Variants in ZDHHC16 observed in about 807,000 individuals in gnomAD.
The protein encoded by ZDHHC16 is zDHHC palmitoyltransferase 16, also known as palmitoyltransferase ZDHHC16.
ZDHHC16 carries 33 observed loss-of-function variants against 54.4 expected under a neutral mutation model. The ratio of observed to expected loss-of-function variants is 0.61; its 90% CI spans 0.46 to 0.81. The LOEUF is 0.81. Ranked by LOEUF, ZDHHC16 falls within the 30% of genes least tolerant of loss-of-function variation. The pLI is 0.00. For synonymous variants in ZDHHC16, 185 were observed against 182.1 expected (o/e 1.02, Z -0.13); for missense variants, 420 against 485.9 (o/e 0.86, Z 1.28).
intron 2 of ZDHHC16, chr10:97,451,017 A>G (rs973030723): frequency 6.6e-6 from 1 of 152,274 alleles, no homozygotes; most frequent in Non-Finnish European, 1.5e-5. Flanking sequence ...GGAGACAGGG[A>G]ATCTCCTGCT....
chr10:97,447,697 A>G (rs1166781004), intron 1 of ZDHHC16, among the ~76,000 whole-genome samples: 2 of 152,152 alleles, frequency 1.3e-5, no homozygotes, highest in Admixed American at 6.5e-5. Context: ...TGAGGCAAGC[A>G]CATCACCTGA....
At chr10:97,449,904 G>T (rs1197519842) in intron 1 of ZDHHC16, among the ~76,000 whole-genome samples, 3 of 105,564 alleles carry the variant, frequency 2.8e-5, no homozygotes, top group Non-Finnish European at 5.1e-5. Flanking sequence ...TCGCTCTGTC[G>T]CCCAGGCCGG....
At chr10:97,454,888 G>A (rs1316568635) in intron 9 of ZDHHC16, 89 bp downstream of exon 9, 2 of 1,108,670 alleles carry the variant, frequency 1.8e-6, no homozygotes, top group East Asian at 4.7e-5. Context: ...CCATTCCTAA[G>A]TGAACTGCCA....
At chr10:97,453,699 A>C (rs1846876042) in intron 7 of ZDHHC16, 36 bp downstream of exon 7, 2 of 1,614,156 alleles carry the variant, frequency 1.2e-6, no homozygotes, top group East Asian at 4.5e-5. Flanking sequence ...TCAGTAGTGC[A>C]GAACTTCGGG....
At position 97,446,188 on chromosome 10, in the gene ZDHHC16, G is replaced by T. The variant is rs1845995114; in HGVS notation, c.-351G>T. The stretch of plus-strand genomic sequence containing the variant: ...GCGCCTGCGCGTGTGGTTGAGGATG[G>T]GCTGGCGGCGGGTCCGGGTCCGCTG... On this transcript the variant is annotated 5_prime_UTR_variant, in exon 1 of 12. Transcript: ENST00000393760. The T allele has an allele frequency of 2.7e-6, 2 of 735,470 alleles. No homozygotes were observed. The highest frequency in any genetic ancestry group is 2.7e-5 in the East Asian group (1 of 36,688). 45.6% of individuals were successfully genotyped at this position (735,470 alleles called of 1,614,324 possible).
At position 97,451,741 on chromosome 10, in the gene ZDHHC16, G is replaced by A. The variant is rs769685783; in HGVS notation, c.66G>A (p.Leu22=). ...ARLCLRLLLL[L]GYRRRCPPLL... The stretch of plus-strand genomic sequence containing the variant: ...TCTGCCTCCGCCTCCTTCTGCTGCT[G>A]GGTTACAGGCGCCGCTGTCCACCTC... Residue 22 remains leucine, a synonymous_variant, in exon 3 of 12, where the codon CTG becomes CTA. Coordinates refer to ENST00000393760, the MANE Select transcript of ZDHHC16 (RefSeq NM_198046.3). 1 of 1,613,816 alleles carries A rather than the reference G, an allele frequency of 6.2e-7. No homozygotes were observed. The highest frequency in any genetic ancestry group is 8.5e-7 in the Non-Finnish European group (1 of 1,180,034).
At chr10:97,452,012 C>T (rs1156913626) in intron 3 of ZDHHC16, 78 bp from the exon 4 acceptor site, 2 of 1,600,288 alleles carry the variant, frequency 1.2e-6, no homozygotes, top group African/African-American at 2.7e-5. Flanking sequence ...AGGCCGGCCC[C>T]CACCCCCAGG....
intron 6 of ZDHHC16, 35 bp from the exon 7 acceptor site, chr10:97,453,495 T>C: frequency 7.5e-6 from 12 of 1,606,996 alleles, no homozygotes; most frequent in Non-Finnish European, 1.0e-5. Flanking sequence ...CCTGAAATTG[T>C]GTTTGATTCT....
intron 6 of ZDHHC16, 111 bp from the exon 7 acceptor site, chr10:97,453,419 C>T (rs985127661): frequency 8.3e-6 from 12 of 1,443,892 alleles, no homozygotes; most frequent in South Asian, 1.3e-5. Context: ...TTCTTAGTGA[C>T]TGGAAGCCTG....
chr10:97,452,175 A>C lies in ZDHHC16; in HGVS notation c.329A>C (p.Tyr110Ser). ...LCVLPLILRT[Y>S]SVPRLCWHFF... ...GTCCTGCCTCTCATCCTCCGAACCTACTCAGTGCCACGACTCTGCTGGCAT... is the reference window on the plus strand; with the variant it reads ...GTCCTGCCTCTCATCCTCCGAACCTCCTCAGTGCCACGACTCTGCTGGCAT... The change falls in exon 4 of 12, where the codon TAC becomes TCC. Residue 110 changes from tyrosine (Y) to serine (S), a missense_variant. Transcript: ENST00000393760. 1 of 1,613,788 alleles carries C rather than the reference A, an allele frequency of 6.2e-7. No individual in the cohort carries two copies. The highest frequency in any genetic ancestry group is 8.5e-7 in the Non-Finnish European group (1 of 1,179,954).
At chr10:97,456,647 G>C in intron 11 of ZDHHC16, 130 bp from the exon 12 acceptor site, 5 of 643,582 alleles carry the variant, frequency 7.8e-6, no homozygotes, top group Non-Finnish European at 1.3e-5. Flanking sequence ...GCAGAAATTA[G>C]AACTTTTGTT....
Position 97,451,709 on chromosome 10 carries a change from G to A in ZDHHC16, c.34G>A (p.Ala12Thr), listed in dbSNP as rs765749681. 2 of 1,612,128 alleles carry A rather than the reference G, an allele frequency of 1.2e-6. No homozygotes were observed. The highest frequency in any genetic ancestry group is 2.7e-5 in the African/African-American group (2 of 74,894). Reference protein sequence around the residue: ...RGQRSLLLGPARLCLRLLLLL... With the variant: ...RGQRSLLLGPTRLCLRLLLLL... The stretch of plus-strand genomic sequence containing the variant: ...CCAGCGGAGCCTGCTGCTGGGCCCG[G>A]CCCGCCTCTGCCTCCGCCTCCTTCT... The change falls in exon 3 of 12, where the codon GCC (alanine) becomes ACC (threonine). Residue 12 changes from alanine to threonine, a missense_variant. Physicochemically the swap from Ala to Thr is moderately conservative, Grantham distance 58. Transcript: ENST00000393760.
chr10:97,446,229 G>T lies in ZDHHC16; in HGVS notation c.-310G>T. 1 of 609,928 alleles carries T rather than the reference G, an allele frequency of 1.6e-6. No individual in the cohort carries two copies. The highest frequency in any genetic ancestry group is 2.9e-6 in the Non-Finnish European group (1 of 346,570). The allele number at this position is 609,928 out of a possible 1,614,324, so 37.8% of individuals were successfully genotyped here. A position where few individuals can be genotyped will look rare whatever the true frequency, so the allele number is the denominator to read the frequency against. On this transcript the variant is annotated 5_prime_UTR_variant, in exon 1 of 12. Coordinates refer to ENST00000393760, the MANE Select transcript of ZDHHC16 (RefSeq NM_198046.3). The stretch of plus-strand genomic sequence containing the variant: ...GGGTCCGCTGCCTGGCGCTGCGGGC[G>T]GCGGGCCATGGTGGTTTGGATTGAG...
In ZDHHC16 at chr10:97,456,868, T is replaced by C. The variant is rs1351332980; in HGVS notation, c.1111T>C (p.Ser371Pro). 2 of 1,612,448 alleles carry C rather than the reference T, an allele frequency of 1.2e-6. No homozygotes were observed. The highest frequency in any genetic ancestry group is 1.7e-5 in the Admixed American group (1 of 59,924). The change falls in exon 12 of 12, where the codon TCA becomes CCA. Residue 371 changes from serine to proline, a missense_variant. Physicochemically the swap from Ser to Pro is moderately conservative, Grantham distance 74 (BLOSUM62 -1). Coordinates refer to ENST00000393760, the MANE Select transcript of ZDHHC16 (RefSeq NM_198046.3). ...WEPPPWVTAHSASVMAV is the reference protein window; with the variant it reads ...WEPPPWVTAHPASVMAV ...GCCCCCTCCCTGGGTGACTGCTCAC[T>C]CAGCCTCTGTGATGGCAGTGTGAGC...
At chr10:97,449,449 T>C (rs1342485853) in intron 1 of ZDHHC16, among the ~76,000 whole-genome samples, 8 of 152,160 alleles carry the variant, frequency 5.3e-5, no homozygotes, top group Admixed American at 5.2e-4. Flanking sequence ...TTACATTTGA[T>C]TGTGGGTGTC....
intron 3 of ZDHHC16, 46 bp from the exon 4 acceptor site, chr10:97,452,044 G>C (rs1427943806): frequency 6.2e-7 from 1 of 1,612,312 alleles, no homozygotes; most frequent in Non-Finnish European, 8.5e-7. Context: ...TCTCCTTTGG[G>C]CATAGCTCTT....
intron 1 of ZDHHC16, among the ~76,000 whole-genome samples, chr10:97,447,971 A>C (rs1341125099): frequency 6.6e-6 from 1 of 151,524 alleles, no homozygotes; most frequent in Non-Finnish European, 1.5e-5. Context: ...CGGCCCACTT[A>C]CTACATATGT....
rs764776463 is a variant in ZDHHC16, at chr10:97,452,477, A to C, written c.501A>C (p.Arg167=). The change falls in exon 5 of 12, where the codon CGA becomes CGC. Residue 167 remains arginine (R), a synonymous_variant. Coordinates refer to ENST00000393760, the MANE Select transcript of ZDHHC16 (RefSeq NM_198046.3). ...CKKCIYPKPA[R]THHCSICNRC... is the part of the protein sequence containing the mutation. ...AGTGCATTTACCCCAAGCCAGCCCG[A>C]ACACACCACTGCAGCATCTGCAACA... 3.1e-6 allele frequency: 5 copies of C among 1,614,214 alleles called. No homozygotes were observed. Among genetic ancestry groups the C allele is most frequent in the Non-Finnish European group, 4.2e-6 (5 of 1,180,018 alleles).
Position 97,456,050 on chromosome 10 carries a change from G to T in ZDHHC16, c.1019+6G>T, listed in dbSNP as rs536724917. The T allele has an allele frequency of 1.9e-6, 3 of 1,614,010 alleles. No homozygotes were observed. In the African/African-American group the frequency reaches 4.0e-5, roughly 22 times the overall value. ...CTGGGTGTGGATACAGGAAGGTAAT[G>T]TAAGACACACAGACTAATGCTGTCC... On this transcript the variant is annotated splice_donor_region_variant and intron_variant, in intron 11 of 11. Transcript: ENST00000393760.
Sources: allele counts gnomAD v4.1 joint callset (sites outside exome capture counted in the v4.1 genomes callset), GRCh38; gene constraint gnomAD v4.1.1; transcripts MANE v1.5; gene names NCBI Gene and HGNC (gene_info 2026-07-23, HGNC 2026-07-21).